Variants in KCNQ1 observed in about 807,000 individuals in gnomAD.
The protein encoded by KCNQ1 is potassium voltage-gated channel subfamily KQT member 1.
Under a neutral mutation model 72.4 loss-of-function variants are expected in KCNQ1, and 49 were observed. The ratio of observed to expected loss-of-function variants is 0.68; its 90% CI spans 0.54 to 0.86. KCNQ1 has a LOEUF of 0.86. KCNQ1 is among the 40% of genes least tolerant of loss of function. The probability of loss-of-function intolerance (pLI) is 0.00; values close to 1 mark genes in which losing one functional copy is unlikely to be tolerated. For synonymous variants in KCNQ1, 450 were observed against 412.6 expected (o/e 1.09, Z -1.10); for missense variants, 790 against 945.1 (o/e 0.84, Z 2.15).
At position 2,745,004 on chromosome 11, in the gene KCNQ1, G is replaced by A. The variant is rs2237877; in HGVS notation, c.1515-23840G>A. ...TCTTTGCACTGATAGTCTGCTGGTC[G>A]GAAGGACAATGGCGGCACCCCAAGA... On this transcript the variant is annotated intron_variant, in intron 11 of 15. Coordinates refer to ENST00000155840, the MANE Select transcript of KCNQ1 (RefSeq NM_000218.3). This position sits in a 1 kb window ranked among gnomAD's most constrained non-coding sequence, Gnocchi z 6.2. Among the ~76,000 whole-genome samples, 18,310 of 152,036 alleles carry A rather than the reference G, an allele frequency of 0.12. 1,218 individuals are homozygous for A. The highest frequency in any genetic ancestry group is 0.24 in the East Asian group (1,259 of 5,160).
chr11:2,517,140 G>A (rs1040809441), intron 1 of KCNQ1, among the ~76,000 whole-genome samples: 4 of 152,204 alleles, frequency 2.6e-5, no homozygotes, highest in Non-Finnish European at 5.9e-5. Context: ...GCCCTTGGTA[G>A]GTGCCAGGCG....
At position 2,703,964 on chromosome 11, in the gene KCNQ1, A is replaced by C. The variant is rs1850864122; in HGVS notation, c.1514+41883A>C. On this transcript the variant is annotated intron_variant, in intron 11 of 15. Transcript: ENST00000155840. The surrounding 1 kb of genome is among the most constrained non-coding windows in gnomAD (Gnocchi z 6.4). Reference sequence around the variant, plus strand: ...CACCCCACGCTGCTCTCAGGAGTGGACAGGAACGTGGGGGAGTGGGGGTGG... The same window carrying C: ...CACCCCACGCTGCTCTCAGGAGTGGCCAGGAACGTGGGGGAGTGGGGGTGG... Among the ~76,000 whole-genome samples, 1 of 151,990 alleles carries C rather than the reference A, an allele frequency of 6.6e-6. No individual in the cohort carries two copies. The highest frequency in any genetic ancestry group is 2.4e-5 in the African/African-American group (1 of 41,406).
In KCNQ1 at chr11:2,657,935, G is replaced by A. The variant is rs1849879671; in HGVS notation, c.1394-4026G>A. On this transcript the variant is annotated intron_variant, in intron 10 of 15. Transcript: ENST00000155840. The surrounding 1 kb of genome is among the most constrained non-coding windows in gnomAD (Gnocchi z 4.8). ...ATGACATCAACATGGTTTATCACTG[G>A]TAATATTAACCTTGAGCCACTCGTT... 1 of 398,524 alleles carries A rather than the reference G, an allele frequency of 2.5e-6. No homozygotes were observed. Among genetic ancestry groups the A allele is most frequent in the South Asian group, 1.3e-4 (1 of 7,842 alleles). The allele number at this position is 398,524 out of a possible 1,614,324, so 24.7% of individuals were successfully genotyped here. A position where few individuals can be genotyped will look rare whatever the true frequency, so the allele number is the denominator to read the frequency against.
chr11:2,811,201 C>T (rs1228579610), intron 15 of KCNQ1, among the ~76,000 whole-genome samples: 1 of 152,234 alleles, frequency 6.6e-6, no homozygotes, highest in Non-Finnish European at 1.5e-5. Flanking sequence ...GAGCCTCCCC[C>T]AGGAAGCCCC....
chr11:2,546,059 G>A (rs761283734), intron 2 of KCNQ1, among the ~76,000 whole-genome samples: 3 of 149,796 alleles, frequency 2.0e-5, no homozygotes, highest in South Asian at 2.1e-4. Flanking sequence ...TTTTTTTCTC[G>A]TTTCTTAAGG....
chr11:2,749,192 C>A (rs1266367697), intron 11 of KCNQ1, among the ~76,000 whole-genome samples: 1 of 152,190 alleles, frequency 6.6e-6, no homozygotes, highest in African/African-American at 2.4e-5. Context: ...TCCGCCAGCA[C>A]CCCAGTAGGG....
chr11:2,522,181 GGCTCCCCGCTCATGCA>G (rs1847395569), intron 1 of KCNQ1, among the ~76,000 whole-genome samples: 1 of 147,190 alleles, frequency 6.8e-6, no homozygotes, highest in African/African-American at 2.5e-5. Flanking sequence ...GGGTGCGGTG[GGCTCCCCGCTCATGCA>G]GCTCCCCGCC....
chr11:2,814,456 G>A (rs559979209), intron 15 of KCNQ1, among the ~76,000 whole-genome samples: 29 of 151,932 alleles, frequency 1.9e-4, no homozygotes, highest in Non-Finnish European at 3.8e-4. Context: ...ATGGGTGGGT[G>A]GATGGATGGA....
At position 2,464,163 on chromosome 11, in the gene KCNQ1, G is replaced by A. The variant is rs1407561991; in HGVS notation, c.386+18679G>A. On this transcript the variant is annotated intron_variant, in intron 1 of 15. Coordinates refer to ENST00000155840, the MANE Select transcript of KCNQ1 (RefSeq NM_000218.3). This position sits in a 1 kb window ranked among gnomAD's most constrained non-coding sequence, Gnocchi z 5.0. ...CGGTGCTTGCCATCAGCAGATACAA[G>A]CTGTACGCAGTGGGCCGCAGGCGCT... is the stretch of plus-strand genomic sequence containing the variant. Among the ~76,000 whole-genome samples, 4 of 152,182 alleles carry A rather than the reference G, an allele frequency of 2.6e-5. No individual in the cohort carries two copies. Among genetic ancestry groups the A allele is most frequent in the Non-Finnish European group, 5.9e-5 (4 of 68,030 alleles).
At position 2,725,580 on chromosome 11, in the gene KCNQ1, G is replaced by T. The variant is rs76146606; in HGVS notation, c.1515-43264G>T. 5.9e-4 allele frequency among the ~76,000 whole-genome samples: 90 copies of T among 152,174 alleles called. 1 individual carries two copies. Among genetic ancestry groups the T allele is most frequent in the Non-Finnish European group, 1.0e-3 (70 of 68,024 alleles). On this transcript the variant is annotated intron_variant, in intron 11 of 15. Transcript: ENST00000155840. This position sits in a 1 kb window ranked among gnomAD's most constrained non-coding sequence, Gnocchi z 7.2. ...CGCCAAGTTCAAAGGGCTGCCCCTG[G>T]AACCCAAGTCAGACTTGCCCTCGCC...
Position 2,698,487 on chromosome 11 carries a change from T to G in KCNQ1, c.1514+36406T>G. The G allele has an allele frequency of 2.5e-6, 1 of 398,518 alleles. No homozygotes were observed. Among genetic ancestry groups the G allele is most frequent in the East Asian group, 3.6e-5 (1 of 28,074 alleles). 24.7% of individuals were successfully genotyped at this position (398,518 alleles called of 1,614,324 possible). On this transcript the variant is annotated intron_variant, in intron 11 of 15. Transcript: ENST00000155840. This position sits in a 1 kb window ranked among gnomAD's most constrained non-coding sequence, Gnocchi z 5.1. ...CTCATCTCCAATATGACCAAGAGAC[T>G]TCTACCACTACCTCTCACCTGGCAG...
At chr11:2,573,104 G>A (rs1368991481) in intron 6 of KCNQ1, 118 bp downstream of exon 6, 12 of 1,214,296 alleles carry the variant, frequency 9.9e-6, no homozygotes, top group Admixed American at 4.5e-5. Context: ...TCACCTGCAC[G>A]CTCACAGGCC....
Position 2,662,396 on chromosome 11 carries a change from CA to C in KCNQ1, c.1514+321del, listed in dbSNP as rs927653065. The C allele has an allele frequency of 3.0e-5, 15 of 505,332 alleles. No homozygotes were observed. The Admixed American group carries it at 5.2e-4, about 18-fold the overall frequency. The allele number at this position is 505,332 out of a possible 1,614,324, so 31.3% of individuals were successfully genotyped here. A position where few individuals can be genotyped will look rare whatever the true frequency, so the allele number is the denominator to read the frequency against. On this transcript the variant is annotated intron_variant, in intron 11 of 15. Transcript: ENST00000155840. ...TCCCCCAGCCCCCTCCCCTGCCCCC[CA>C]AAAAAGAGACGACTTTGTTTTTTAG...
chr11:2,722,992 C>T (rs555674958), intron 11 of KCNQ1, among the ~76,000 whole-genome samples: 5 of 152,362 alleles, frequency 3.3e-5, no homozygotes, highest in Non-Finnish European at 7.3e-5. Flanking sequence ...TGCCTCGGGG[C>T]AGGCTCACCT....
Position 2,647,685 on chromosome 11 carries a change from T to C in KCNQ1, c.1394-14276T>C. ...ATACAATCTCATTCCTTGTTATTGC[T>C]CTGTTCAGATTTTTTTTCTTCCTGG... On this transcript the variant is annotated intron_variant, in intron 10 of 15. Coordinates refer to ENST00000155840, the MANE Select transcript of KCNQ1 (RefSeq NM_000218.3). The surrounding 1 kb of genome is among the most constrained non-coding windows in gnomAD (Gnocchi z 4.0). 1 of 398,562 alleles carries C rather than the reference T, an allele frequency of 2.5e-6. No individual in the cohort carries two copies. 24.7% of individuals were successfully genotyped at this position (398,562 alleles called of 1,614,324 possible).
chr11:2,675,565 C>G, intron 11 of KCNQ1: 1 of 398,656 alleles, frequency 2.5e-6, no homozygotes, highest in Middle Eastern at 6.3e-4. Flanking sequence ...ATAAGACATA[C>G]GTAACAGTTT....
In KCNQ1 at chr11:2,572,808, G is replaced by A. The variant is rs761330109; in HGVS notation, c.781-38G>A. 1.1e-5 allele frequency: 18 copies of A among 1,612,894 alleles called. 1 individual carries two copies. The East Asian group carries it at 2.0e-4, about 18-fold the overall frequency. On this transcript the variant is annotated intron_variant, in intron 5 of 15. Coordinates refer to ENST00000155840, the MANE Select transcript of KCNQ1 (RefSeq NM_000218.3). ...TCTGCACAGGAGGCTCCCAGCCTGC[G>A]GTTCCTGGAGCCCGACACTGTGTGT...
chr11:2,571,611 C>T (rs1023281917), intron 4 of KCNQ1, among the ~76,000 whole-genome samples: 2 of 152,146 alleles, frequency 1.3e-5, no homozygotes, highest in African/African-American at 4.8e-5. Context: ...ACCCAAGATG[C>T]CTCAGGCAGC....
intron 11 of KCNQ1, chr11:2,697,280 C>G: frequency 2.5e-6 from 1 of 398,556 alleles, no homozygotes. Context: ...AAGAATACAA[C>G]AAGTCGTAAC....
Sources: allele counts gnomAD v4.1 joint callset (sites outside exome capture counted in the v4.1 genomes callset), GRCh38; gene constraint gnomAD v4.1.1; non-coding constraint Gnocchi (gnomAD v3.1); transcripts MANE v1.5; gene names NCBI Gene and HGNC (gene_info 2026-07-23, HGNC 2026-07-21).